AHCYL2: variants seen among roughly 807,000 people sequenced by gnomAD.
The protein encoded by AHCYL2 is S-adenosylhomocysteine hydrolase-like protein 2.
In AHCYL2, 28 loss-of-function variants were observed where a neutral mutation model predicts 81.4. The observed-to-expected ratio is 0.34, with a 90% confidence interval of 0.25 to 0.47. The LOEUF (loss-of-function observed/expected upper bound fraction) is 0.47. AHCYL2 is among the 20% of genes least tolerant of loss of function. AHCYL2 has a pLI of 1.00. For synonymous variants in AHCYL2, 272 were observed against 290.2 expected (o/e 0.94, Z 0.64); for missense variants, 551 against 785.1 (o/e 0.70, Z 3.56).
At chr7:129,323,873 CTTT>C (rs369389755) in intron 1 of AHCYL2, among the ~76,000 whole-genome samples, 4 of 131,090 alleles carry the variant, frequency 3.1e-5, no homozygotes, top group Non-Finnish European at 3.2e-5. Context: ...GCCCTTTTAG[CTTT>C]TTTTTTTTTT....
intron 1 of AHCYL2, among the ~76,000 whole-genome samples, chr7:129,341,080 AAAAC>A (rs1374001921): frequency 1.3e-5 from 2 of 152,220 alleles, no homozygotes; most frequent in African/African-American, 4.8e-5. Context: ...TAACAAGAGA[AAAAC>A]AAAGTTTTTC....
In AHCYL2 at chr7:129,425,154, T is replaced by C. The variant is rs1797303060; in HGVS notation, c.1708+13T>C. Reference sequence around the variant, plus strand: ...CCCAAGAAGATGGGTAAGTATTTACTCTTCCATCTCCATCCTTACCAAAGT... The same window carrying C: ...CCCAAGAAGATGGGTAAGTATTTACCCTTCCATCTCCATCCTTACCAAAGT... On this transcript the variant is annotated intron_variant, in intron 15 of 16. Coordinates refer to ENST00000325006, the MANE Select transcript of AHCYL2 (RefSeq NM_015328.4). 1 of 1,607,916 alleles carries C rather than the reference T, an allele frequency of 6.2e-7. No individual in the cohort carries two copies. The highest frequency in any genetic ancestry group is 1.3e-5 in the African/African-American group (1 of 74,770).
At chr7:129,291,663 C>G (rs941970873) in intron 1 of AHCYL2, among the ~76,000 whole-genome samples, 1 of 149,894 alleles carries the variant, frequency 6.7e-6, no homozygotes, top group Non-Finnish European at 1.5e-5. Context: ...AGTGCAGTGG[C>G]GTGATCTCAG....
At chr7:129,388,643 T>C (rs1477481730) in intron 2 of AHCYL2, among the ~76,000 whole-genome samples, 3 of 152,246 alleles carry the variant, frequency 2.0e-5, no homozygotes, top group African/African-American at 7.2e-5. Context: ...CTAGGTCTTA[T>C]CTGTTCAGTA....
intron 1 of AHCYL2, among the ~76,000 whole-genome samples, chr7:129,290,612 A>G (rs914768565): frequency 6.6e-6 from 1 of 151,776 alleles, no homozygotes; most frequent in South Asian, 2.1e-4. Flanking sequence ...ATATGGTTGC[A>G]GGTGAAAGAA....
chr7:129,239,089 A>C (rs1360864285), intron 1 of AHCYL2, among the ~76,000 whole-genome samples: 2 of 152,234 alleles, frequency 1.3e-5, no homozygotes, highest in Non-Finnish European at 2.9e-5. Flanking sequence ...CATATTTAAA[A>C]CAAAATGGTA....
Position 129,406,297 on chromosome 7 carries a change from G to A in AHCYL2, c.1207-81G>A. The A allele has an allele frequency of 1.6e-6, 2 of 1,244,512 alleles. No homozygotes were observed. Among genetic ancestry groups the A allele is most frequent in the East Asian group, 2.3e-5 (1 of 42,974 alleles). 77.1% of individuals were successfully genotyped at this position (1,244,512 alleles called of 1,614,324 possible). On this transcript the variant is annotated intron_variant, in intron 9 of 16. Coordinates refer to ENST00000325006, the MANE Select transcript of AHCYL2 (RefSeq NM_015328.4). The surrounding 1 kb of genome is among the most constrained non-coding windows in gnomAD (Gnocchi z 4.3). ...GAAATTCCTCTCGGGGGTGGAAAGA[G>A]GGGGTGCACTTTACCAGAAGCTTTG...
At chr7:129,298,406 T>G (rs1003091796) in intron 1 of AHCYL2, among the ~76,000 whole-genome samples, 2 of 152,206 alleles carry the variant, frequency 1.3e-5, no homozygotes, top group Non-Finnish European at 2.9e-5. Flanking sequence ...CCGTTACAAC[T>G]GGTATCAAAT....
At chr7:129,317,536 A>C (rs1046311314) in intron 1 of AHCYL2, among the ~76,000 whole-genome samples, 1 of 152,216 alleles carries the variant, frequency 6.6e-6, no homozygotes, top group African/African-American at 2.4e-5. Flanking sequence ...AGAAAATCCC[A>C]GCCATGCAGA....
At chr7:129,363,683 G>A (rs980747588) in intron 1 of AHCYL2, among the ~76,000 whole-genome samples, 5 of 151,922 alleles carry the variant, frequency 3.3e-5, no homozygotes, top group East Asian at 1.9e-4. Context: ...GATTACAGGC[G>A]CCCGCCACCA....
At chr7:129,305,107 A>G (rs986985451) in intron 1 of AHCYL2, among the ~76,000 whole-genome samples, 1 of 152,130 alleles carries the variant, frequency 6.6e-6, no homozygotes, top group African/African-American at 2.4e-5. Context: ...CTTATAACCC[A>G]TTATTTTAAA....
At chr7:129,242,066 T>C (rs1794878797) in intron 1 of AHCYL2, among the ~76,000 whole-genome samples, 1 of 152,208 alleles carries the variant, frequency 6.6e-6, no homozygotes, top group Admixed American at 6.6e-5. Context: ...GTTTTGTTTA[T>C]AAACTTTACA....
At chr7:129,250,864 T>C (rs953900914) in intron 1 of AHCYL2, among the ~76,000 whole-genome samples, 4 of 152,224 alleles carry the variant, frequency 2.6e-5, no homozygotes, top group Non-Finnish European at 5.9e-5. Flanking sequence ...AGTTTCTACT[T>C]TGAGTCCTTC....
At chr7:129,254,472 G>T (rs1381153354) in intron 1 of AHCYL2, among the ~76,000 whole-genome samples, 1 of 152,146 alleles carries the variant, frequency 6.6e-6, no homozygotes, top group Non-Finnish European at 1.5e-5. Flanking sequence ...AGAGAAACTA[G>T]CTAGTACTGT....
intron 4 of AHCYL2, among the ~76,000 whole-genome samples, chr7:129,396,516 G>A (rs1054860939): frequency 7.2e-5 from 11 of 151,800 alleles, no homozygotes; most frequent in South Asian, 2.1e-4. Context: ...TCGCCTCACC[G>A]TTTCAAGCCA....
intron 1 of AHCYL2, among the ~76,000 whole-genome samples, chr7:129,330,663 G>A (rs533417380): frequency 3.3e-5 from 5 of 151,334 alleles, no homozygotes; most frequent in East Asian, 3.9e-4. Context: ...AGGTTTCACC[G>A]TGTTAGCCAG....
At chr7:129,280,851 G>A (rs1796413701) in intron 1 of AHCYL2, among the ~76,000 whole-genome samples, 1 of 151,294 alleles carries the variant, frequency 6.6e-6, no homozygotes, top group African/African-American at 2.4e-5. Flanking sequence ...TGTTAACATG[G>A]TGAGTTACAT....
intron 2 of AHCYL2, among the ~76,000 whole-genome samples, chr7:129,383,661 T>C (rs1795068582): frequency 6.6e-6 from 1 of 152,200 alleles, no homozygotes; most frequent in African/African-American, 2.4e-5. Context: ...ATGGCCTACA[T>C]TTCTGTTCAC....
rs561897845 is a variant in AHCYL2, at chr7:129,407,199, T to A, written c.1295+733T>A. On this transcript the variant is annotated intron_variant, in intron 10 of 16. Transcript: ENST00000325006. Reference sequence around the variant, plus strand: ...ACCCCATCTCTACAAATAATTTTTTTAAATTAGCTGGGTGTGGTGGTGCAT... The same window carrying A: ...ACCCCATCTCTACAAATAATTTTTTAAAATTAGCTGGGTGTGGTGGTGCAT... 9.2e-5 allele frequency among the ~76,000 whole-genome samples: 14 copies of A among 152,082 alleles called. No homozygotes were observed. The South Asian group carries it at 1.9e-3, about 20-fold the overall frequency.
Sources: allele counts gnomAD v4.1 joint callset (sites outside exome capture counted in the v4.1 genomes callset), GRCh38; gene constraint gnomAD v4.1.1; non-coding constraint Gnocchi (gnomAD v3.1); transcripts MANE v1.5; gene names NCBI Gene and HGNC (gene_info 2026-07-23, HGNC 2026-07-21).